The following FANCM variants were observed in gnomAD, a reference collection of about 807,000 sequenced individuals.
FANCM encodes Fanconi anemia group M protein.
Under a neutral mutation model 199.5 loss-of-function variants are expected in FANCM, and 140 were observed. That is an observed-to-expected ratio of 0.70 (90% CI 0.61 to 0.81). The LOEUF (loss-of-function observed/expected upper bound fraction) is 0.81, where lower values mean the gene tolerates loss of function less well. Ranked by LOEUF, FANCM falls within the 30% of genes least tolerant of loss-of-function variation. The pLI is 0.00. For synonymous variants in FANCM, 840 were observed against 836.8 expected (o/e 1.00, Z -0.07); for missense variants, 2,410 against 2,421.4 (o/e 1.00, Z 0.10).
rs138274490 is a variant in FANCM, at chr14:45,175,563, C to T, written c.2809C>T (p.Leu937Phe). 55 of 1,613,358 alleles carry T rather than the reference C, an allele frequency of 3.4e-5. No individual in the cohort carries two copies. In the African/African-American group the frequency reaches 6.5e-4, roughly 19 times the overall value. Residue 937 changes from leucine (L) to phenylalanine (F), a missense_variant, in exon 14 of 23, where the codon CTT becomes TTT. Leu to Phe is a conservative substitution (Grantham distance 22). Coordinates refer to ENST00000267430, the MANE Select transcript of FANCM (RefSeq NM_020937.4). ...CQFTNKSTSS[L>F]AGNVLDSGYN... ...GTTTACAAATAAATCCACTAGTTCACTTGCTGGAAATGTTTTAGATTCTGG... is the reference window on the plus strand; with the variant it reads ...GTTTACAAATAAATCCACTAGTTCATTTGCTGGAAATGTTTTAGATTCTGG...
intron 9 of FANCM, among the ~76,000 whole-genome samples, chr14:45,163,129 A>G (rs1887723139): frequency 6.6e-6 from 1 of 152,256 alleles, no homozygotes; most frequent in African/African-American, 2.4e-5. Flanking sequence ...CAATACAACT[A>G]GCTTACAGAT....
intron 2 of FANCM, 61 bp from the exon 3 acceptor site, chr14:45,140,571 A>G (rs1885840748): frequency 1.1e-6 from 1 of 892,500 alleles, no homozygotes; most frequent in African/African-American, 1.6e-5. Flanking sequence ...AGGTTGTTTA[A>G]CAGAACCACT....
chr14:45,173,888 T>C (rs920513733), intron 13 of FANCM, among the ~76,000 whole-genome samples: 3 of 152,154 alleles, frequency 2.0e-5, no homozygotes, highest in African/African-American at 7.2e-5. Context: ...TACATGTAAA[T>C]AAAGTAGTTA....
At chr14:45,173,453 G>T (rs1487500295) in intron 13 of FANCM, among the ~76,000 whole-genome samples, 1 of 152,042 alleles carries the variant, frequency 6.6e-6, no homozygotes, top group Non-Finnish European at 1.5e-5. Flanking sequence ...AATGATTTAT[G>T]TAAACTGTTT....
At chr14:45,190,196 G>A (rs957846026) in intron 20 of FANCM, among the ~76,000 whole-genome samples, 6 of 151,978 alleles carry the variant, frequency 3.9e-5, no homozygotes, top group Admixed American at 6.6e-5. Context: ...ACTGTTTCTC[G>A]TTTTTAAGGG....
intron 18 of FANCM, 87 bp downstream of exon 18, chr14:45,185,460 G>C: frequency 1.3e-6 from 1 of 747,838 alleles, no homozygotes. Flanking sequence ...AATGAAACTA[G>C]ACCTTAAAGG....
rs771118299 is a variant in FANCM at position 45,137,105 on chromosome 14, G to C, written c.545G>C (p.Cys182Ser). The C allele has an allele frequency of 1.9e-6, 3 of 1,613,490 alleles. No individual in the cohort carries two copies. The highest frequency in any genetic ancestry group is 2.5e-6 in the Non-Finnish European group (3 of 1,179,564). Residue 182 changes from cysteine (C) to serine (S), a missense_variant, in exon 2 of 23, where the codon TGC (cysteine) becomes TCC (serine). Cys to Ser is a moderately radical substitution (Grantham distance 112, BLOSUM62 -1). Transcript: ENST00000267430. ...GCTTCCACCAGGAAGGAAATATGGT[G>C]CAGTAAGAGAGTGCTTTTTCTTACA... is the stretch of plus-strand genomic sequence containing the variant. Reference protein sequence around the residue: ...TQASTRKEIWCSKRVLFLTPQ... With the variant: ...TQASTRKEIWSSKRVLFLTPQ...
intron 14 of FANCM, among the ~76,000 whole-genome samples, 199 bp downstream of exon 14, chr14:45,177,175 A>G (rs898335474): frequency 2.7e-5 from 4 of 150,308 alleles, no homozygotes; most frequent in African/African-American, 1.0e-4. Context: ...CACGCATGGT[A>G]TGGAAAAAGT....
At chr14:45,144,006 A>G (rs961739437) in intron 3 of FANCM, among the ~76,000 whole-genome samples, 3 of 151,294 alleles carry the variant, frequency 2.0e-5, no homozygotes, top group African/African-American at 7.3e-5. Context: ...TAAGGATTTT[A>G]TTGGATACAT....
Position 45,176,417 on chromosome 14 carries a change from T to C in FANCM, c.3663T>C (p.Phe1221=), listed in dbSNP as rs772996800. ...AAGTGAAGAATCATGAGGATATTTT[T>C]GATTGCTCTAGGGATTTATTTTCTG... is the stretch of plus-strand genomic sequence containing the variant. ...EEKVKNHEDI[F]DCSRDLFSVT... Residue 1221 remains phenylalanine (F), a synonymous_variant, in exon 14 of 23, where the codon TTT becomes TTC. Transcript: ENST00000267430. The C allele has an allele frequency of 6.6e-5, 106 of 1,613,122 alleles. 2 individuals are homozygous for C. The South Asian group carries it at 1.1e-3, about 17-fold the overall frequency.
Position 45,151,673 on chromosome 14 carries a change from C to G in FANCM, c.1050+145C>G, listed in dbSNP as rs1429553868. 6.5e-6 allele frequency: 5 copies of G among 771,574 alleles called. No individual in the cohort carries two copies. In the East Asian group the frequency reaches 1.1e-4, roughly 18 times the overall value. 47.8% of individuals were successfully genotyped at this position (771,574 alleles called of 1,614,324 possible). A position where few individuals can be genotyped will look rare whatever the true frequency, so the allele number is the denominator to read the frequency against. ...AACACAGTGGCTGATGCCTGTAATC[C>G]TAACAGTTTGGGAGGCCAAGGTGGG... On this transcript the variant is annotated intron_variant, in intron 5 of 22. Coordinates refer to ENST00000267430, the MANE Select transcript of FANCM (RefSeq NM_020937.4).
At position 45,136,015 on chromosome 14, in the gene FANCM, C is replaced by G; in HGVS notation, c.-17C>G. The G allele has an allele frequency of 6.2e-7, 1 of 1,612,742 alleles. No individual in the cohort carries two copies. Among genetic ancestry groups the G allele is most frequent in the South Asian group, 1.1e-5 (1 of 91,068 alleles). On this transcript the variant is annotated 5_prime_UTR_variant, in exon 1 of 23. Coordinates refer to ENST00000267430, the MANE Select transcript of FANCM (RefSeq NM_020937.4). ...GCTACGGATATCTGACAGAAGCCTTCGGTGGTTGTCGGCCTAATGAGCGGA... is the reference window on the plus strand; with the variant it reads ...GCTACGGATATCTGACAGAAGCCTTGGGTGGTTGTCGGCCTAATGAGCGGA...
Position 45,151,382 on chromosome 14 carries a change from C to A in FANCM, c.919-15C>A. 1 of 1,612,594 alleles carries A rather than the reference C, an allele frequency of 6.2e-7. No homozygotes were observed. The highest frequency in any genetic ancestry group is 2.2e-5 in the East Asian group (1 of 44,802). ...TTTAGAGCAAGCTTAAACTAGATTG[C>A]TTTTAAATTTGCAGATTTTGGAATC... On this transcript the variant is annotated splice_polypyrimidine_tract_variant and intron_variant, in intron 4 of 22. Transcript: ENST00000267430.
intron 4 of FANCM, among the ~76,000 whole-genome samples, chr14:45,150,013 C>T (rs1342005558): frequency 6.6e-6 from 1 of 152,146 alleles, no homozygotes. Context: ...TTGTCATTTT[C>T]ACTGGGAGAA....
intron 9 of FANCM, among the ~76,000 whole-genome samples, chr14:45,162,622 T>C (rs1372097293): frequency 6.6e-6 from 1 of 152,144 alleles, no homozygotes; most frequent in East Asian, 1.9e-4. Context: ...TAATAAACAG[T>C]TCATGGAGCA....
In FANCM at chr14:45,185,374, G is replaced by A; in HGVS notation, c.4672+1G>A. The A allele has an allele frequency of 6.4e-7, 1 of 1,553,776 alleles. No individual in the cohort carries two copies. Among genetic ancestry groups the A allele is most frequent in the Non-Finnish European group, 8.8e-7 (1 of 1,135,406 alleles). On this transcript the variant is annotated splice_donor_variant, in intron 18 of 22. Transcript: ENST00000267430. LOFTEE classifies it high-confidence loss of function. ...ACTCAACTTTCACAGGCTATAAATGGTAAATGTTATAATGATCCTTAAAAT... is the reference window on the plus strand; with the variant it reads ...ACTCAACTTTCACAGGCTATAAATGATAAATGTTATAATGATCCTTAAAAT...
chr14:45,143,058 T>G (rs10130377), intron 3 of FANCM, among the ~76,000 whole-genome samples: 24,282 of 151,844 alleles, frequency 0.16, 3,663 homozygotes, highest in African/African-American at 0.39. Context: ...GCAATAAAGA[T>G]TTTTTTTCCT....
At chr14:45,183,703 T>C in intron 16 of FANCM, 71 bp from the exon 17 acceptor site, 1 of 1,060,754 alleles carries the variant, frequency 9.4e-7, no homozygotes, top group Non-Finnish European at 1.4e-6. Flanking sequence ...CTCTGAGTTG[T>C]AAGAGCAATT....
intron 7 of FANCM, 77 bp downstream of exon 7, chr14:45,154,899 A>G: frequency 5.5e-6 from 6 of 1,085,758 alleles, no homozygotes; most frequent in Non-Finnish European, 8.4e-6. Context: ...TGCTCCTTTG[A>G]TGCAAATGTC....
Sources: allele counts gnomAD v4.1 joint callset (sites outside exome capture counted in the v4.1 genomes callset), GRCh38; gene constraint gnomAD v4.1.1; transcripts MANE v1.5; gene names NCBI Gene and HGNC (gene_info 2026-07-23, HGNC 2026-07-21).